AGBL4: variants seen among roughly 807,000 people sequenced by gnomAD.
The protein encoded by AGBL4 is AGBL carboxypeptidase 4.
A neutral mutation model predicts 66.4 loss-of-function variants in AGBL4; 58 were observed. The ratio of observed to expected loss-of-function variants is 0.87; its 90% CI spans 0.71 to 1.09. The LOEUF (loss-of-function observed/expected upper bound fraction) is 1.09, where lower values mean the gene tolerates loss of function less well. AGBL4 is among the 50% of genes least tolerant of loss of function. AGBL4 has a pLI of 0.00. For missense variants in AGBL4, 579 were observed against 631.0 expected (o/e 0.92, Z 0.88); for synonymous variants, 234 against 222.9 (o/e 1.05, Z -0.44).
At chr1:49,170,007 G>A (rs1348617675) in intron 4 of AGBL4, among the ~76,000 whole-genome samples, 2 of 151,614 alleles carry the variant, frequency 1.3e-5, no homozygotes, top group East Asian at 3.9e-4. Flanking sequence ...GGGGAGTGAG[G>A]GATTAAAAAA....
At chr1:48,535,601 A>G (rs1023987038) in intron 12 of AGBL4, among the ~76,000 whole-genome samples, 2 of 152,148 alleles carry the variant, frequency 1.3e-5, no homozygotes, top group African/African-American at 4.8e-5. Context: ...TGGCCTTGTC[A>G]CTGCCATGGA....
At chr1:49,783,320 G>T (rs1421603802) in intron 2 of AGBL4, among the ~76,000 whole-genome samples, 2 of 152,036 alleles carry the variant, frequency 1.3e-5, no homozygotes, top group Non-Finnish European at 2.9e-5. Context: ...ATATAAAAAG[G>T]ATTGATATCA....
chr1:49,275,905 C>T (rs1644158414), intron 3 of AGBL4, among the ~76,000 whole-genome samples: 1 of 152,026 alleles, frequency 6.6e-6, no homozygotes, highest in Admixed American at 6.6e-5. Flanking sequence ...AGTCATTATA[C>T]CTGCTGATGT....
chr1:49,186,143 A>T (rs1434396863), intron 4 of AGBL4, among the ~76,000 whole-genome samples: 2 of 152,094 alleles, frequency 1.3e-5, no homozygotes, highest in Non-Finnish European at 2.9e-5. Context: ...TTTGGCAGTA[A>T]CCAGCTTGTT....
intron 3 of AGBL4, among the ~76,000 whole-genome samples, chr1:49,264,283 A>C (rs761109528): frequency 1.9e-4 from 29 of 152,138 alleles, no homozygotes; most frequent in Non-Finnish European, 3.8e-4. Flanking sequence ...TTTTATGTAT[A>C]TATGAAATTT....
At chr1:48,617,513 A>T (rs1201538057) in intron 9 of AGBL4, among the ~76,000 whole-genome samples, 1 of 151,960 alleles carries the variant, frequency 6.6e-6, no homozygotes, top group Non-Finnish European at 1.5e-5. Flanking sequence ...TTTTTAATCC[A>T]TTCCTTCCCC....
intron 3 of AGBL4, among the ~76,000 whole-genome samples, chr1:49,513,074 C>A (rs1297358426): frequency 2.0e-5 from 3 of 152,016 alleles, no homozygotes; most frequent in African/African-American, 4.8e-5. Flanking sequence ...TAATGTCAGA[C>A]AAACAGCAGT....
intron 11 of AGBL4, among the ~76,000 whole-genome samples, chr1:48,542,322 A>G (rs565799328): frequency 6.6e-6 from 1 of 152,314 alleles, no homozygotes; most frequent in African/African-American, 2.4e-5. Flanking sequence ...GTGTCTTTAT[A>G]GTAGAATGAT....
At chr1:49,154,136 T>C (rs1569855060) in intron 4 of AGBL4, among the ~76,000 whole-genome samples, 1 of 152,018 alleles carries the variant, frequency 6.6e-6, no homozygotes. Flanking sequence ...CTTTCTGCTG[T>C]AGAATGCCAG....
intron 2 of AGBL4, among the ~76,000 whole-genome samples, chr1:49,833,514 T>C (rs1645756262): frequency 2.0e-5 from 3 of 152,102 alleles, no homozygotes; most frequent in African/African-American, 4.8e-5. Flanking sequence ...AAGTAGTTTT[T>C]TCCAATTCTG....
chr1:49,214,592 C>T (rs1263369790), intron 4 of AGBL4, among the ~76,000 whole-genome samples: 1 of 152,084 alleles, frequency 6.6e-6, no homozygotes, highest in African/African-American at 2.4e-5. Flanking sequence ...AACAATGAAA[C>T]TGAGGCACAA....
chr1:48,552,850 G>A (rs1380211725), intron 11 of AGBL4, among the ~76,000 whole-genome samples: 1 of 151,836 alleles, frequency 6.6e-6, no homozygotes, highest in Non-Finnish European at 1.5e-5. Context: ...CAGGGAAGGG[G>A]AGAGGGATAC....
chr1:48,977,798 T>C (rs937096180), intron 5 of AGBL4, among the ~76,000 whole-genome samples: 2 of 152,152 alleles, frequency 1.3e-5, no homozygotes, highest in East Asian at 3.9e-4. Flanking sequence ...GAAACACTAG[T>C]CTGGAACCCA....
chr1:49,481,131 A>T (rs1052200868), intron 3 of AGBL4, among the ~76,000 whole-genome samples: 1 of 152,126 alleles, frequency 6.6e-6, no homozygotes. Context: ...TCGGTTCCAC[A>T]TGAATTTTAA....
intron 6 of AGBL4, among the ~76,000 whole-genome samples, chr1:48,782,313 C>G (rs1645315202): frequency 6.6e-6 from 1 of 152,226 alleles, no homozygotes; most frequent in Non-Finnish European, 1.5e-5. Context: ...CCACTCCACT[C>G]TCCTGTTGAG....
chr1:49,287,409 C>T (rs1439018033), intron 3 of AGBL4, among the ~76,000 whole-genome samples: 1 of 148,636 alleles, frequency 6.7e-6, no homozygotes, highest in Non-Finnish European at 1.5e-5. Flanking sequence ...AAGAAACTAC[C>T]ATCAGAGTGA....
At chr1:49,709,755 A>G (rs558737468) in intron 2 of AGBL4, among the ~76,000 whole-genome samples, 1 of 152,326 alleles carries the variant, frequency 6.6e-6, no homozygotes, top group African/African-American at 2.4e-5. Flanking sequence ...AGAAAAAAAC[A>G]AAGAACCCCA....
chr1:49,883,118 C>T (rs1647593360), intron 1 of AGBL4, among the ~76,000 whole-genome samples: 1 of 152,048 alleles, frequency 6.6e-6, no homozygotes, highest in Admixed American at 6.6e-5. Context: ...CCAAAAATAT[C>T]ATCATTTTAG....
chr1:49,774,349 T>C (rs1398385857), intron 2 of AGBL4, among the ~76,000 whole-genome samples: 1 of 152,166 alleles, frequency 6.6e-6, no homozygotes, highest in Non-Finnish European at 1.5e-5. Context: ...GATGATTTGC[T>C]CCACACTCTT....
Sources: allele counts gnomAD v4.1 joint callset (sites outside exome capture counted in the v4.1 genomes callset), GRCh38; gene constraint gnomAD v4.1.1; transcripts MANE v1.5; gene names NCBI Gene and HGNC (gene_info 2026-07-23, HGNC 2026-07-21).